Variants in RNLS observed in about 807,000 individuals in gnomAD.
RNLS encodes renalase.
RNLS carries 39 observed loss-of-function variants against 39.8 expected under a neutral mutation model. The ratio of observed to expected loss-of-function variants is 0.98; its 90% CI spans 0.76 to 1.28. RNLS has a LOEUF of 1.28. Among genes scored for constraint, RNLS ranks in the 50% most tolerant of loss-of-function variants. The pLI, the probability that RNLS is intolerant of heterozygous loss-of-function variation, is 0.00. For missense variants in RNLS, 410 were observed against 413.3 expected (o/e 0.99, Z 0.07); for synonymous variants, 147 against 150.7 (o/e 0.98, Z 0.18).
chr10:88,394,803 A>C (rs1398251864), intron 4 of RNLS, among the ~76,000 whole-genome samples: 1 of 152,246 alleles, frequency 6.6e-6, no homozygotes, highest in Non-Finnish European at 1.5e-5. Context: ...CTAAATGTCC[A>C]ACAATGATAG....
intron 4 of RNLS, among the ~76,000 whole-genome samples, chr10:88,469,895 AG>A (rs1243816148): frequency 6.9e-6 from 1 of 145,540 alleles, no homozygotes; most frequent in African/African-American, 2.4e-5. Flanking sequence ...TTACACCTAA[AG>A]TTATGTTGAA....
At chr10:88,279,778 C>T (rs149525007), downstream of RNLS, among the ~76,000 whole-genome samples, 566 of 152,312 alleles carry the variant, frequency 3.7e-3, 2 homozygotes, top group African/African-American at 0.013. Context: ...TATACCATCA[C>T]TACTCCTGGT....
At chr10:88,550,035 G>A (rs993345790) in intron 4 of RNLS, among the ~76,000 whole-genome samples, 5 of 151,904 alleles carry the variant, frequency 3.3e-5, no homozygotes, top group Non-Finnish European at 5.9e-5. Context: ...AAGTTTTGGG[G>A]GGTTGTTGCT....
At chr10:88,195,923 C>T in the RNLS span, among the ~76,000 whole-genome samples, 1 of 152,144 alleles carries the variant, frequency 6.6e-6, no homozygotes, top group African/African-American at 2.4e-5. Flanking sequence ...AAAATATGAC[C>T]TGAGTCCTTT....
intron 5 of RNLS, among the ~76,000 whole-genome samples, chr10:88,336,674 G>A (rs1196169170): frequency 1.3e-5 from 2 of 152,192 alleles, no homozygotes; most frequent in Non-Finnish European, 2.9e-5. Flanking sequence ...TTCGTCAGCT[G>A]AGAAAGTAAA....
At chr10:88,328,025 C>T (rs559816540) in intron 5 of RNLS, among the ~76,000 whole-genome samples, 19 of 152,174 alleles carry the variant, frequency 1.2e-4, no homozygotes, top group East Asian at 7.7e-4. Flanking sequence ...TCTTGTGCCT[C>T]GCATCCTGAG....
At chr10:88,406,428 T>G (rs540443531) in intron 4 of RNLS, among the ~76,000 whole-genome samples, 104 of 152,226 alleles carry the variant, frequency 6.8e-4, no homozygotes, top group African/African-American at 2.4e-3. Context: ...TTTCTTATTC[T>G]TTTTTCTTTG....
At chr10:88,363,722 T>C (rs1844425274) in intron 4 of RNLS, among the ~76,000 whole-genome samples, 1 of 152,052 alleles carries the variant, frequency 6.6e-6, no homozygotes, top group African/African-American at 2.4e-5. Flanking sequence ...AGGAGGTAAA[T>C]AATAGGAAAA....
intron 6 of RNLS, among the ~76,000 whole-genome samples, chr10:88,290,764 T>A (rs1340430678): frequency 1.3e-5 from 2 of 152,210 alleles, no homozygotes; most frequent in Non-Finnish European, 2.9e-5. Flanking sequence ...ATGCACTTCC[T>A]ATGCAGTCTG....
the RNLS span, among the ~76,000 whole-genome samples, chr10:88,235,160 A>C: frequency 8.9e-5 from 13 of 145,790 alleles, no homozygotes; most frequent in South Asian, 2.8e-3. Context: ...CCCAGCTACT[A>C]GGGAGGCTGA....
intron 4 of RNLS, among the ~76,000 whole-genome samples, chr10:88,495,281 T>C (rs1280130856): frequency 6.6e-6 from 1 of 152,156 alleles, no homozygotes; most frequent in Non-Finnish European, 1.5e-5. Flanking sequence ...CTAAGAAAGG[T>C]ACACACAGAT....
At chr10:88,187,177 TA>T in the RNLS span, among the ~76,000 whole-genome samples, 8 of 67,776 alleles carry the variant, frequency 1.2e-4, no homozygotes, top group Admixed American at 6.7e-4. Context: ...AATATATATA[TA>T]ATATATATAA....
At chr10:88,245,294 T>C in the RNLS span, among the ~76,000 whole-genome samples, 1 of 152,184 alleles carries the variant, frequency 6.6e-6, no homozygotes, top group Non-Finnish European at 1.5e-5. Flanking sequence ...CCCAGCACCA[T>C]TGTTCGTTCA....
chr10:88,299,673 T>C (rs1844367954), intron 6 of RNLS, among the ~76,000 whole-genome samples: 1 of 152,214 alleles, frequency 6.6e-6, no homozygotes. Flanking sequence ...GATTTTCTCT[T>C]ATGTTTTCAT....
intron 4 of RNLS, among the ~76,000 whole-genome samples, chr10:88,405,653 C>A (rs1290042586): frequency 6.6e-6 from 1 of 151,968 alleles, no homozygotes; most frequent in Non-Finnish European, 1.5e-5. Context: ...ATCCATTCTG[C>A]AGTTCTGTAT....
intron 5 of RNLS, among the ~76,000 whole-genome samples, chr10:88,316,129 T>C (rs534951375): frequency 3.9e-5 from 6 of 152,310 alleles, no homozygotes; most frequent in African/African-American, 1.4e-4. Flanking sequence ...GTTTCACATA[T>C]ACGAGGTGAG....
At chr10:88,375,960 A>C (rs1850959314) in intron 4 of RNLS, among the ~76,000 whole-genome samples, 1 of 151,996 alleles carries the variant, frequency 6.6e-6, no homozygotes, top group Non-Finnish European at 1.5e-5. Flanking sequence ...GGATAAGGGG[A>C]GACAATGTAT....
chr10:88,323,745 C>T (rs1442685395), intron 5 of RNLS, among the ~76,000 whole-genome samples: 1 of 151,806 alleles, frequency 6.6e-6, no homozygotes, highest in South Asian at 2.1e-4. Context: ...AAAACAAAAA[C>T]AGACAAATGG....
chr10:88,407,509 A>C (rs1853360845), intron 4 of RNLS, among the ~76,000 whole-genome samples: 1 of 152,008 alleles, frequency 6.6e-6, no homozygotes, highest in African/African-American at 2.4e-5. Flanking sequence ...AAAGAAAGAG[A>C]AGGGAGTGAG....
Sources: allele counts gnomAD v4.1 joint callset (sites outside exome capture counted in the v4.1 genomes callset), GRCh38; gene constraint gnomAD v4.1.1; transcripts MANE v1.5; gene names NCBI Gene and HGNC (gene_info 2026-07-23, HGNC 2026-07-21).